Variants in PRKG1 observed in about 807,000 individuals in gnomAD.
PRKG1 encodes protein kinase cGMP-dependent 1, also known as cGMP-dependent protein kinase 1.
Under a neutral mutation model 88.1 loss-of-function variants are expected in PRKG1, and 35 were observed. That is an observed-to-expected ratio of 0.40 (90% CI 0.30 to 0.53). The LOEUF (loss-of-function observed/expected upper bound fraction) is 0.53. Ranked by LOEUF, PRKG1 falls within the 20% of genes least tolerant of loss-of-function variation. The probability of loss-of-function intolerance (pLI) is 0.59; values close to 1 mark genes in which losing one functional copy is unlikely to be tolerated. For synonymous variants in PRKG1, 303 were observed against 292.5 expected, an observed-to-expected ratio of 1.04 and a Z score of -0.37; for missense variants, 540 against 839.8, an observed-to-expected ratio of 0.64 and a Z score of 4.41.
At chr10:51,276,639 T>A (rs1399929293) in intron 2 of PRKG1, among the ~76,000 whole-genome samples, 10 of 152,164 alleles carry the variant, frequency 6.6e-5, no homozygotes, top group South Asian at 2.1e-4. Flanking sequence ...GTTTCCTGAC[T>A]TTTTAATGAT....
chr10:51,670,464 C>A, intron 3 of PRKG1, among the ~76,000 whole-genome samples: 1 of 151,004 alleles, frequency 6.6e-6, no homozygotes, highest in Non-Finnish European at 1.5e-5. Flanking sequence ...AGGCCGGGCG[C>A]GGTGGCTCAC....
At chr10:51,852,277 A>T (rs1840576705) in intron 4 of PRKG1, among the ~76,000 whole-genome samples, 1 of 150,206 alleles carries the variant, frequency 6.7e-6, no homozygotes, top group Non-Finnish European at 1.5e-5. Flanking sequence ...AATAACTTAG[A>T]TTTGCCTAAT....
intron 5 of PRKG1, among the ~76,000 whole-genome samples, chr10:51,957,975 A>G (rs993763473): frequency 3.9e-5 from 6 of 152,190 alleles, no homozygotes; most frequent in Non-Finnish European, 8.8e-5. Context: ...ATGAATAATA[A>G]TGTAAAGGGC....
chr10:51,736,055 G>A lies in PRKG1; in HGVS notation c.593-68530G>A, dbSNP rs567727631. On this transcript the variant is annotated intron_variant, in intron 3 of 17. Coordinates refer to ENST00000373980, the MANE Select transcript of PRKG1 (RefSeq NM_006258.4). ...CCACAGGTGTGTGCCACTATGCCCA[G>A]CTAATTTTTGTATTTTTGTAGCTAT... Among the ~76,000 whole-genome samples, 5 of 148,608 alleles carry A rather than the reference G, an allele frequency of 3.4e-5. No individual in the cohort carries two copies. In the South Asian group the frequency reaches 1.1e-3, roughly 32 times the overall value.
At chr10:52,045,155 T>C (rs1379091634) in intron 5 of PRKG1, among the ~76,000 whole-genome samples, 1 of 152,002 alleles carries the variant, frequency 6.6e-6, no homozygotes, top group Admixed American at 6.6e-5. Context: ...AGCACCTTAA[T>C]AAGGCAAATT....
At chr10:51,696,569 T>C (rs1841298330) in intron 3 of PRKG1, 1 of 152,144 alleles carries the variant, frequency 6.6e-6, no homozygotes, top group Non-Finnish European at 1.5e-5. Context: ...AGCAAAATCA[T>C]GCTTGGATGC....
chr10:52,135,710 A>G (rs1313238169), intron 8 of PRKG1, among the ~76,000 whole-genome samples: 2 of 152,120 alleles, frequency 1.3e-5, no homozygotes. Context: ...TCTACTAAGA[A>G]TGTAATGCAT....
At chr10:52,024,899 T>C (rs1211233657) in intron 5 of PRKG1, among the ~76,000 whole-genome samples, 2 of 152,214 alleles carry the variant, frequency 1.3e-5, no homozygotes, top group Non-Finnish European at 2.9e-5. Flanking sequence ...CTTGAGGAAT[T>C]GCCACACTGT....
In PRKG1 at chr10:52,294,211, G is replaced by A. The variant is rs1258803194; in HGVS notation, c.*311G>A. The A allele has an allele frequency of 8.3e-6, 2 of 240,122 alleles. No homozygotes were observed. The highest frequency in any genetic ancestry group is 4.5e-5 in the African/African-American group (2 of 44,172). 14.9% of individuals were successfully genotyped at this position (240,122 alleles called of 1,614,324 possible). A position where few individuals can be genotyped will look rare whatever the true frequency, so the allele number is the denominator to read the frequency against. The stretch of plus-strand genomic sequence containing the variant: ...TGCTCTGATTATAATTTGAAAGACT[G>A]TAGGAAACACTTCAATGTAGTATAA... On this transcript the variant is annotated 3_prime_UTR_variant, in exon 18 of 18. Coordinates refer to ENST00000373980, the MANE Select transcript of PRKG1 (RefSeq NM_006258.4).
chr10:51,145,333 A>G (rs1448023342), intron 1 of PRKG1, among the ~76,000 whole-genome samples: 2 of 149,502 alleles, frequency 1.3e-5, no homozygotes, highest in Non-Finnish European at 3.0e-5. Flanking sequence ...GCAATTAGAC[A>G]TATAAATATC....
intron 7 of PRKG1, among the ~76,000 whole-genome samples, chr10:52,100,980 G>A (rs2132565871): frequency 6.6e-6 from 1 of 152,252 alleles, no homozygotes; most frequent in East Asian, 1.9e-4. Context: ...GTCTAAAGAA[G>A]TTCTATTAAA....
intron 3 of PRKG1, among the ~76,000 whole-genome samples, chr10:51,540,052 T>C (rs1842261967): frequency 6.6e-6 from 1 of 152,232 alleles, no homozygotes; most frequent in South Asian, 2.1e-4. Flanking sequence ...CCTGATGTTT[T>C]TGCCACCTGG....
At position 51,422,961 on chromosome 10, in the gene PRKG1, G is replaced by T. The variant is rs200213601; in HGVS notation, c.479-44762G>T. On this transcript the variant is annotated intron_variant, in intron 2 of 17. Transcript: ENST00000373980. ...CAGCACTTGATCTCCATTGAAATAG[G>T]TTTTTTTTTTTTTTCTGAAAATGGA... 1.2e-3 allele frequency among the ~76,000 whole-genome samples: 173 copies of T among 146,140 alleles called. 1 individual carries two copies. Among genetic ancestry groups the T allele is most frequent in the Admixed American group, 2.7e-3 (39 of 14,694 alleles).
chr10:51,279,564 T>C (rs1035636276), intron 2 of PRKG1, among the ~76,000 whole-genome samples: 6 of 152,202 alleles, frequency 3.9e-5, no homozygotes, highest in African/African-American at 1.4e-4. Context: ...GGTGCCCCTG[T>C]ATTGGGTGCA....
At chr10:51,280,901 C>T (rs1191722702) in intron 2 of PRKG1, among the ~76,000 whole-genome samples, 1 of 152,230 alleles carries the variant, frequency 6.6e-6, no homozygotes, top group East Asian at 1.9e-4. Flanking sequence ...TGTTCCATTG[C>T]TGGCGAGGAG....
chr10:51,930,417 C>CAATT (rs1169265287), intron 5 of PRKG1, among the ~76,000 whole-genome samples: 1 of 146,668 alleles, frequency 6.8e-6, no homozygotes, highest in East Asian at 2.0e-4. Context: ...TACCACAGTA[C>CAATT]AATTAATTAG....
intron 3 of PRKG1, among the ~76,000 whole-genome samples, chr10:51,507,991 A>G (rs189043133): frequency 1.2e-3 from 179 of 152,288 alleles, no homozygotes; most frequent in African/African-American, 4.3e-3. Flanking sequence ...TTGTGAATAT[A>G]CTATTGAGAG....
intron 2 of PRKG1, among the ~76,000 whole-genome samples, chr10:51,211,727 G>A (rs1838226148): frequency 1.3e-5 from 2 of 152,148 alleles, no homozygotes. Context: ...TTGCTTCAAA[G>A]AGAATAAAAT....
At chr10:51,695,331 A>G (rs1445299965) in intron 3 of PRKG1, among the ~76,000 whole-genome samples, 1 of 152,210 alleles carries the variant, frequency 6.6e-6, no homozygotes, top group Non-Finnish European at 1.5e-5. Context: ...CAAACTATAT[A>G]GATAATGGCT....
Sources: allele counts gnomAD v4.1 joint callset (sites outside exome capture counted in the v4.1 genomes callset), GRCh38; gene constraint gnomAD v4.1.1; transcripts MANE v1.5; gene names NCBI Gene and HGNC (gene_info 2026-07-23, HGNC 2026-07-21).